TASOR2: variants seen among roughly 807,000 people sequenced by gnomAD.
TASOR2 encodes the protein protein TASOR 2.
In TASOR2, 84 loss-of-function variants were observed where a neutral mutation model predicts 199.5. The ratio of observed to expected loss-of-function variants is 0.42; its 90% confidence interval spans 0.35 to 0.50. The LOEUF (loss-of-function observed/expected upper bound fraction) is 0.50, where lower values mean the gene tolerates loss of function less well. TASOR2 is among the 20% of genes least tolerant of loss of function. The pLI is 0.02. For missense variants in TASOR2, 2,796 were observed against 2,835.9 expected (o/e 0.99, Z 0.32); for synonymous variants, 1,103 against 1,046.6 (o/e 1.05, Z -1.04).
intron 11 of TASOR2, among the ~76,000 whole-genome samples, chr10:5,732,269 T>C (rs1177270235): frequency 6.6e-6 from 1 of 152,246 alleles, no homozygotes; most frequent in Non-Finnish European, 1.5e-5. Context: ...GGGTGACTCC[T>C]TTGGAGAAGA....
Position 5,735,394 on chromosome 10 carries a change from C to T in TASOR2, c.1295C>T (p.Pro432Leu), listed in dbSNP as rs540917337. 4 of 1,614,032 alleles carry T rather than the reference C, an allele frequency of 2.5e-6. No individual in the cohort carries two copies. The South Asian group carries it at 4.4e-5, about 18-fold the overall frequency. Reference sequence around the variant, plus strand: ...CCTATTTCTAAAGATGTTCCAGTGCCAACAAATGCTAAAAGGGCAAGGAAA... The same window carrying T: ...CCTATTTCTAAAGATGTTCCAGTGCTAACAAATGCTAAAAGGGCAAGGAAA... Residue 432 changes from proline to leucine, a missense_variant, in exon 12 of 21, where the codon CCA becomes CTA. Physicochemically the swap from Pro to Leu is moderately conservative, Grantham distance 98. Transcript: ENST00000328090.
exon 13 of TASOR2, chr10:5,739,756 A>G (rs200958387): frequency 1.2e-6 from 2 of 1,614,168 alleles, no homozygotes; most frequent in Non-Finnish European, 8.5e-7. Context: ...ATCGTCAACT[A>G]TGACTCCCAG....
exon 15 of TASOR2, chr10:5,749,211 A>C (rs1480199928): frequency 6.2e-7 from 1 of 1,614,110 alleles, no homozygotes; most frequent in South Asian, 1.1e-5. Flanking sequence ...ACTTCTCTAT[A>C]ACAAAAGAAC....
intron 7 of TASOR2, among the ~76,000 whole-genome samples, chr10:5,724,219 G>A (rs1213822401): frequency 6.6e-6 from 1 of 152,016 alleles, no homozygotes; most frequent in Non-Finnish European, 1.5e-5. Context: ...TAATCCTATA[G>A]CAGTGTCAGT....
chr10:5,695,456 G>T (rs1282079855), intron 1 of TASOR2, among the ~76,000 whole-genome samples: 3 of 152,126 alleles, frequency 2.0e-5, no homozygotes, highest in African/African-American at 7.2e-5. Flanking sequence ...TATTGATTTG[G>T]TGTGTAATTA....
chr10:5,685,672 T>C lies in TASOR2; in HGVS notation c.-288+497T>C, dbSNP rs1835732218. On this transcript the variant is annotated intron_variant, in intron 1 of 20. Coordinates refer to ENST00000328090, the Ensembl canonical transcript of TASOR2. This position sits in a 1 kb window ranked among gnomAD's most constrained non-coding sequence, Gnocchi z 5.4. ...ATTTCAGCAGCAAGCGCAAGCCGCGTTGGGATAACTTGGTGCGAGCAACAC... is the reference window on the plus strand; with the variant it reads ...ATTTCAGCAGCAAGCGCAAGCCGCGCTGGGATAACTTGGTGCGAGCAACAC... Among the ~76,000 whole-genome samples, 2 of 152,294 alleles carry C rather than the reference T, an allele frequency of 1.3e-5. No homozygotes were observed. The highest frequency in any genetic ancestry group is 3.9e-4 in the East Asian group (2 of 5,182).
exon 15 of TASOR2, chr10:5,746,686 G>A (rs1478956987): frequency 6.2e-7 from 1 of 1,614,046 alleles, no homozygotes; most frequent in Non-Finnish European, 8.5e-7. Context: ...AGTATCACCT[G>A]CTGCAAGCCT....
intron 1 of TASOR2, among the ~76,000 whole-genome samples, chr10:5,686,314 G>T (rs1456141734): frequency 6.6e-6 from 1 of 152,170 alleles, no homozygotes; most frequent in East Asian, 1.9e-4. Flanking sequence ...TTGTTAAAAT[G>T]GGTTAAAATC....
chr10:5,757,440 T>C, intron 16 of TASOR2, 80 bp from the exon 18 acceptor site: 3 of 1,382,640 alleles, frequency 2.2e-6, no homozygotes, highest in South Asian at 2.9e-5. Flanking sequence ...TTGACTCTCT[T>C]GGATAGAAAA....
At position 5,708,967 on chromosome 10, in the gene TASOR2, G is replaced by A. The variant is rs138446033; in HGVS notation, c.-287-3856G>A. On this transcript the variant is annotated intron_variant, in intron 1 of 20. Coordinates refer to ENST00000328090, the Ensembl canonical transcript of TASOR2. The stretch of plus-strand genomic sequence containing the variant: ...TCTGCCTGCCTTAGCTTCCCGGCGT[G>A]CTGGGATTACAGGCATGAGCCACCT... Among the ~76,000 whole-genome samples the A allele has an allele frequency of 2.3e-3, 344 of 152,222 alleles. 3 individuals carry two copies. Among genetic ancestry groups the A allele is most frequent in the African/African-American group, 7.9e-3 (326 of 41,524 alleles).
In TASOR2 at chr10:5,720,016, C is replaced by G. The variant is rs1588710777; in HGVS notation, c.-99-528C>G. Among the ~76,000 whole-genome samples, 1 of 152,124 alleles carries G rather than the reference C, an allele frequency of 6.6e-6. No homozygotes were observed. The highest frequency in any genetic ancestry group is 1.5e-5 in the Non-Finnish European group (1 of 68,010). ...TATTTCTTTGATATTGTGATAAAAA[C>G]TATGGATATTTGTCTCAGACGCCCA... On this transcript the variant is annotated intron_variant, in intron 3 of 20. Transcript: ENST00000328090. This position sits in a 1 kb window ranked among gnomAD's most constrained non-coding sequence, Gnocchi z 5.3.
chr10:5,733,126 G>A (rs1269129632), intron 11 of TASOR2, among the ~76,000 whole-genome samples: 2 of 151,776 alleles, frequency 1.3e-5, no homozygotes, highest in Non-Finnish European at 2.9e-5. Context: ...ATTATATTCC[G>A]GTACCTACAA....
intron 2 of TASOR2, among the ~76,000 whole-genome samples, chr10:5,714,793 T>G (rs1297651628): frequency 6.6e-6 from 1 of 152,154 alleles, no homozygotes; most frequent in Non-Finnish European, 1.5e-5. Flanking sequence ...TCTCAGTAAA[T>G]GGACAGTACT....
exon 21 of TASOR2, chr10:5,763,065 C>CCAATAAAAAATTAGTATT: frequency 6.2e-7 from 1 of 1,605,916 alleles, no homozygotes; most frequent in South Asian, 1.1e-5. Context: ...ATGGATGATG[C>CCAATAAAAAATTAGTATT]CAATAAAAAA....
At chr10:5,735,974 G>A (rs1260647238) in intron 12 of TASOR2, among the ~76,000 whole-genome samples, 1 of 152,148 alleles carries the variant, frequency 6.6e-6, no homozygotes, top group African/African-American at 2.4e-5. Flanking sequence ...CCTGTATTTA[G>A]TTTTATTTAT....
Position 5,737,074 on chromosome 10 carries a change from C to T in TASOR2, c.1447+1528C>T, listed in dbSNP as rs1835717347. ...TCCCAGGTTCAAGCAGTTTTCCTGCCTCAGTCTCCCGAGTAGCTAGGACTA... is the reference window on the plus strand; with the variant it reads ...TCCCAGGTTCAAGCAGTTTTCCTGCTTCAGTCTCCCGAGTAGCTAGGACTA... On this transcript the variant is annotated intron_variant, in intron 12 of 20. Transcript: ENST00000328090. The surrounding 1 kb of genome is among the most constrained non-coding windows in gnomAD (Gnocchi z 4.9). Among the ~76,000 whole-genome samples, 1 of 152,126 alleles carries T rather than the reference C, an allele frequency of 6.6e-6. No individual in the cohort carries two copies.
chr10:5,761,235 A>C, intron 18 of TASOR2, 55 bp from the exon 20 acceptor site: 3 of 1,480,814 alleles, frequency 2.0e-6, no homozygotes, highest in Non-Finnish European at 2.7e-6. Flanking sequence ...AGGCAAGAAA[A>C]AGTCCTAAGA....
chr10:5,744,431 T>C (rs112654974), intron 14 of TASOR2, among the ~76,000 whole-genome samples: 8 of 152,132 alleles, frequency 5.3e-5, no homozygotes. Context: ...GCCTCCCTAG[T>C]AGCTGGGATT....
rs1167889186 is a variant in TASOR2, at chr10:5,754,429, G to A, written c.6607-2184G>A. 6.6e-6 allele frequency among the ~76,000 whole-genome samples: 1 copy of A among 151,308 alleles called. No homozygotes were observed. Among genetic ancestry groups the A allele is most frequent in the African/African-American group, 2.4e-5 (1 of 41,124 alleles). On this transcript the variant is annotated intron_variant, in intron 15 of 20. Coordinates refer to ENST00000328090, the Ensembl canonical transcript of TASOR2. This position sits in a 1 kb window ranked among gnomAD's most constrained non-coding sequence, Gnocchi z 4.3. ...ATTGAGATGAAGTTTTGCTCTTGTC[G>A]CCCAGGCTGGAGTGCAGTGGCGCGA...
Sources: gnomAD v4.1 joint callset for allele counts (sites outside exome capture counted in the v4.1 genomes callset) on GRCh38, gnomAD v4.1.1 for gene constraint, Gnocchi (gnomAD v3.1) non-coding constraint, MANE v1.5 for transcripts, NCBI Gene and HGNC (gene_info 2026-07-23, HGNC 2026-07-21) for gene names.